The following ADGRL3 variants were observed in gnomAD, a reference collection of about 807,000 sequenced individuals.
ADGRL3 encodes the protein adhesion G protein-coupled receptor L3.
Under a neutral mutation model 153.5 loss-of-function variants are expected in ADGRL3, and 62 were observed. The ratio of observed to expected loss-of-function variants is 0.40; its 90% CI spans 0.33 to 0.50. The LOEUF (loss-of-function observed/expected upper bound fraction) is 0.50. Ranked by LOEUF, ADGRL3 falls within the 20% of genes least tolerant of loss-of-function variation. The pLI is 0.47. For missense variants in ADGRL3, 1,641 were observed against 1,859.4 expected (o/e 0.88, Z 2.16); for synonymous variants, 710 against 672.5 (o/e 1.06, Z -0.86).
At chr4:61,366,813 C>G (rs2096406678) in intron 1 of ADGRL3, among the ~76,000 whole-genome samples, 1 of 151,994 alleles carries the variant, frequency 6.6e-6, no homozygotes, top group African/African-American at 2.4e-5. Context: ...TACTGTTATT[C>G]ATATACCTAA....
intron 1 of ADGRL3, among the ~76,000 whole-genome samples, chr4:61,374,829 C>G (rs916128176): frequency 2.0e-5 from 3 of 151,990 alleles, no homozygotes; most frequent in South Asian, 4.1e-4. Flanking sequence ...GCAGAGGTCA[C>G]TTCTCAGAAG....
At chr4:61,427,780 C>G (rs2097300859) in intron 2 of ADGRL3, 1 of 152,708 alleles carries the variant, frequency 6.5e-6, no homozygotes, top group African/African-American at 2.4e-5. Flanking sequence ...TCCGGATCTC[C>G]AGGCGCTCTG....
intron 21 of ADGRL3, among the ~76,000 whole-genome samples, chr4:62,028,357 CTATAA>C (rs1179711503): frequency 1.3e-5 from 2 of 151,612 alleles, no homozygotes; most frequent in Non-Finnish European, 3.0e-5. Flanking sequence ...TTTCTAAGGG[CTATAA>C]TGTTAAGATT....
chr4:61,631,890 G>A (rs1398045217), intron 5 of ADGRL3, among the ~76,000 whole-genome samples: 2 of 151,810 alleles, frequency 1.3e-5, no homozygotes, highest in African/African-American at 4.8e-5. Flanking sequence ...GCCTTCCAAA[G>A]TGCTGGGATT....
intron 4 of ADGRL3, among the ~76,000 whole-genome samples, chr4:61,525,792 C>G (rs1002956435): frequency 2.6e-5 from 4 of 151,898 alleles, no homozygotes; most frequent in African/African-American, 9.7e-5. Context: ...GTACCATTCA[C>G]AAAATTAGGA....
intron 2 of ADGRL3, among the ~76,000 whole-genome samples, chr4:61,411,485 A>C (rs554678563): frequency 3.3e-5 from 5 of 152,318 alleles, no homozygotes; most frequent in African/African-American, 1.2e-4. Context: ...ATTTTGTAAC[A>C]CAGCATAATT....
At chr4:61,345,739 A>C (rs1210676112) in intron 1 of ADGRL3, among the ~76,000 whole-genome samples, 1 of 152,216 alleles carries the variant, frequency 6.6e-6, no homozygotes, top group Non-Finnish European at 1.5e-5. Context: ...CAATATTTTG[A>C]TAGTGACTTG....
chr4:62,006,032 ATTT>A (rs1553908051), intron 21 of ADGRL3, among the ~76,000 whole-genome samples: 5 of 73,090 alleles, frequency 6.8e-5, no homozygotes, highest in South Asian at 5.3e-4. Flanking sequence ...ATATATATAT[ATTT>A]TTTTTTTTTT....
chr4:62,010,249 C>T (rs1581868928), intron 21 of ADGRL3, among the ~76,000 whole-genome samples: 1 of 152,026 alleles, frequency 6.6e-6, no homozygotes, highest in African/African-American at 2.4e-5. Context: ...TTAGCTTGGT[C>T]CTTCTGCGAA....
intron 1 of ADGRL3, among the ~76,000 whole-genome samples, chr4:61,344,869 C>T (rs1374940407): frequency 6.6e-6 from 1 of 151,876 alleles, no homozygotes; most frequent in East Asian, 1.9e-4. Context: ...TCACTGCAAC[C>T]TCCGCCTCCC....
chr4:61,750,635 C>G (rs2096743310), intron 8 of ADGRL3, among the ~76,000 whole-genome samples: 1 of 151,894 alleles, frequency 6.6e-6, no homozygotes, highest in Non-Finnish European at 1.5e-5. Context: ...ACTAAAAATA[C>G]AAAATTTAGC....
intron 13 of ADGRL3, among the ~76,000 whole-genome samples, chr4:61,924,015 C>T (rs1024487727): frequency 6.6e-6 from 1 of 152,044 alleles, no homozygotes; most frequent in Admixed American, 6.6e-5. Flanking sequence ...CAACATTTGC[C>T]GTTGTCAACC....
At position 62,070,630 on chromosome 4, in the gene ADGRL3, C is replaced by G. The variant is rs775110784; in HGVS notation, c.4354C>G (p.Leu1452Val). The G allele has an allele frequency of 6.4e-7, 1 of 1,551,680 alleles. No individual in the cohort carries two copies. The highest frequency in any genetic ancestry group is 8.7e-7 in the Non-Finnish European group (1 of 1,147,014). The change falls in exon 27 of 27, where the codon CTC becomes GTC. Residue 1452 changes from leucine (L) to valine (V), a missense_variant. Leu to Val is a conservative substitution (Grantham distance 32, BLOSUM62 1). Coordinates refer to ENST00000683033, the MANE Select transcript of ADGRL3 (RefSeq NM_001387552.1). ...EDLQSPHRDS[L>V]YTSMPTLAGV... ...TCTCCAGTCACCCCATAGAGACTCT[C>G]TCTATACCAGCATGCCGACACTGGC...
At chr4:61,487,955 G>GT (rs886596420) in intron 2 of ADGRL3, among the ~76,000 whole-genome samples, 1 of 151,804 alleles carries the variant, frequency 6.6e-6, no homozygotes, top group African/African-American at 2.4e-5. Flanking sequence ...CCAGTTGAAC[G>GT]TATCAATATA....
intron 7 of ADGRL3, 29 bp from the exon 8 acceptor site, chr4:61,732,725 A>G: frequency 8.1e-7 from 1 of 1,233,256 alleles, no homozygotes; most frequent in Non-Finnish European, 1.1e-6. Context: ...TAATATATTT[A>G]TTTATTTTAA....
At chr4:61,825,628 CAT>C (rs2097793590) in intron 9 of ADGRL3, among the ~76,000 whole-genome samples, 1 of 152,134 alleles carries the variant, frequency 6.6e-6, no homozygotes, top group Non-Finnish European at 1.5e-5. Context: ...TAAAACTACA[CAT>C]GAGTTTTTCT....
intron 17 of ADGRL3, among the ~76,000 whole-genome samples, chr4:61,958,765 G>A (rs1023545490): frequency 2.0e-5 from 3 of 152,094 alleles, no homozygotes; most frequent in African/African-American, 7.2e-5. Flanking sequence ...GCCACACAGG[G>A]GGATTCCAAT....
intron 24 of ADGRL3, among the ~76,000 whole-genome samples, chr4:62,043,367 C>A (rs1267779149): frequency 1.3e-5 from 2 of 151,988 alleles, no homozygotes; most frequent in Non-Finnish European, 2.9e-5. Context: ...GAGAGACTGG[C>A]TCCCAACATT....
chr4:61,358,562 A>C (rs899924678), intron 1 of ADGRL3, among the ~76,000 whole-genome samples: 2 of 131,158 alleles, frequency 1.5e-5, no homozygotes, highest in Non-Finnish European at 3.1e-5. Context: ...GTGCCACTGC[A>C]CTCCAGCCTG....
Sources: gnomAD v4.1 joint callset for allele counts (sites outside exome capture counted in the v4.1 genomes callset) on GRCh38, gnomAD v4.1.1 for gene constraint, MANE v1.5 for transcripts, NCBI Gene and HGNC (gene_info 2026-07-23, HGNC 2026-07-21) for gene names.